The following NONO variants were observed in gnomAD, a reference collection of about 807,000 sequenced individuals.
The protein encoded by NONO is non-POU domain containing octamer binding, also known as non-POU domain-containing octamer-binding protein.
A neutral mutation model predicts 40.2 loss-of-function variants in NONO; 6 were observed. The observed-to-expected ratio is 0.15, with a 90% CI of 0.08 to 0.29. NONO has a LOEUF of 0.29. Among genes scored for constraint, NONO ranks in the 10% least tolerant of loss-of-function variants. The probability of loss-of-function intolerance (pLI) is 1.00; values close to 1 mark genes in which losing one functional copy is unlikely to be tolerated. For synonymous variants in NONO, 89 were observed against 123.3 expected, an observed-to-expected ratio of 0.72 and a Z score of 1.85; for missense variants, 133 against 397.8, an observed-to-expected ratio of 0.33 and a Z score of 5.66.
At chrX:71,288,846 C>A (rs2031259193) in intron 2 of NONO, among the ~76,000 whole-genome samples, 1 of 112,357 alleles carries the variant, frequency 8.9e-6, no homozygotes, top group Admixed American at 9.5e-5. Context: ...TTTTTATCAT[C>A]CCCTTTAGAA....
chrX:71,290,717 A>C lies in NONO; in HGVS notation c.80A>C (p.Gln27Pro), dbSNP rs1355091553. ...RKHHQHHHQQ[Q>P]HHQQQQQQPP... ...CATCATCAACATCACCACCAGCAGC[A>C]GCACCACCAGCAGCAACAGCAGCAG... The change falls in exon 3 of 12, where the codon CAG (glutamine) becomes CCG (proline). Residue 27 changes from glutamine (Q) to proline (P), a missense_variant. Gln to Pro is a moderately conservative substitution (Grantham distance 76). Coordinates refer to ENST00000276079, the MANE Select transcript of NONO (RefSeq NM_007363.5). The C allele has an allele frequency of 5.0e-6, 6 of 1,200,641 alleles. No homozygotes were observed. Among genetic ancestry groups the C allele is most frequent in the Non-Finnish European group, 5.6e-6 (5 of 888,371 alleles).
chrX:71,296,935 G>T lies in NONO; in HGVS notation c.831G>T (p.Met277Ile). The change falls in exon 7 of 12, where the codon ATG becomes ATT. Residue 277 changes from methionine to isoleucine, a missense_variant. This residue lies in a region of NONO where 32 missense variants were observed against 206.0 expected (regional missense o/e 0.16). Coordinates refer to ENST00000276079, the MANE Select transcript of NONO (RefSeq NM_007363.5). ...TGCGCTGGAAGGCACTCATTGAGATGGAGAAGCAGCAGCAGGACCAAGTGG... is the reference window on the plus strand; with the variant it reads ...TGCGCTGGAAGGCACTCATTGAGATTGAGAAGCAGCAGCAGGACCAAGTGG... ...YAMRWKALIE[M>I]EKQQQDQVDR... 1 of 1,210,690 alleles carries T rather than the reference G, an allele frequency of 8.3e-7. No individual in the cohort carries two copies. The highest frequency in any genetic ancestry group is 1.1e-6 in the Non-Finnish European group (1 of 894,816).
At chrX:71,295,511 G>T (rs973322018) in intron 5 of NONO, among the ~76,000 whole-genome samples, 3 of 108,819 alleles carry the variant, frequency 2.8e-5, no homozygotes, top group African/African-American at 6.7e-5. Flanking sequence ...TTTGGTATTA[G>T]CCTGGGCATG....
At chrX:71,284,625 G>T (rs1025680673) in intron 2 of NONO, among the ~76,000 whole-genome samples, 172 bp downstream of exon 2, 7 of 111,697 alleles carry the variant, frequency 6.3e-5, no homozygotes, top group African/African-American at 2.0e-4. Context: ...CAACTCTAGT[G>T]GGGGGGCCCT....
rs1187230336 is a variant in NONO, at chrX:71,299,864, C to T, written c.1282-78C>T. On this transcript the variant is annotated intron_variant, in intron 11 of 11. Transcript: ENST00000276079. ...TTGAATAGTTGAATGGAAATAGCCTCCAGTGGAGGGACTACAGATGGGTGG... is the reference window on the plus strand; with the variant it reads ...TTGAATAGTTGAATGGAAATAGCCTTCAGTGGAGGGACTACAGATGGGTGG... The T allele has an allele frequency of 1.2e-5, 13 of 1,128,267 alleles. No individual in the cohort carries two copies. In the Admixed American group the frequency reaches 2.3e-4, roughly 20 times the overall value. The allele number at this position is 1,128,267 out of a possible 1,213,427, so 93.0% of individuals were successfully genotyped here.
chrX:71,298,617 A>G, intron 10 of NONO, 90 bp from the exon 11 acceptor site: 1 of 1,054,470 alleles, frequency 9.5e-7, no homozygotes. Context: ...TGTCTTACTT[A>G]GCCCAGAGGT....
At chrX:71,284,670 T>C (rs377176252) in intron 2 of NONO, among the ~76,000 whole-genome samples, 2 of 112,386 alleles carry the variant, frequency 1.8e-5, no homozygotes, top group East Asian at 5.5e-4. Context: ...TCCACCTTCC[T>C]TGTTATTAAA....
intron 5 of NONO, among the ~76,000 whole-genome samples, chrX:71,295,268 C>T (rs982211078): frequency 2.8e-5 from 3 of 106,539 alleles, no homozygotes; most frequent in African/African-American, 1.0e-4. Context: ...GGACAGATCA[C>T]CAGGTCAGGA....
chrX:71,298,202 T>C (rs2031495506), intron 9 of NONO: 1 of 439,897 alleles, frequency 2.3e-6, no homozygotes, highest in Admixed American at 4.0e-5. Flanking sequence ...TCCTCTGCTG[T>C]CCTTGCAATT....
intron 2 of NONO, among the ~76,000 whole-genome samples, chrX:71,287,907 A>G (rs1457186754): frequency 3.6e-5 from 2 of 55,580 alleles, no homozygotes; most frequent in Non-Finnish European, 6.3e-5. Context: ...GAGTCTTGCT[A>G]TGTTGCCCAG....
At chrX:71,296,711 C>T in intron 6 of NONO, 51 bp downstream of exon 6, 2 of 1,028,533 alleles carry the variant, frequency 1.9e-6, no homozygotes, top group East Asian at 3.1e-5. Context: ...CTTAAGAAAG[C>T]TTATAAAGGG....
In NONO at chrX:71,299,933, C is replaced by G. The variant is rs1250615585; in HGVS notation, c.1282-9C>G. 8.3e-7 allele frequency: 1 copy of G among 1,207,783 alleles called. No homozygotes were observed. Among genetic ancestry groups the G allele is most frequent in the East Asian group, 3.0e-5 (1 of 33,749 alleles). On this transcript the variant is annotated splice_polypyrimidine_tract_variant and intron_variant, in intron 11 of 11. Transcript: ENST00000276079. ...TCTGTTACAGTGTTGCTCTCTTTTT[C>G]TCTTTAAGACCCCACCAACAACTGA...
chrX:71,285,214 C>G (rs1193326137), intron 2 of NONO: 2 of 112,304 alleles, frequency 1.8e-5, no homozygotes, highest in African/African-American at 3.2e-5. Flanking sequence ...CACCTGGAAC[C>G]CAAGTAGGAA....
intron 1 of NONO, 112 bp from the exon 2 acceptor site, chrX:71,284,285 G>A (rs892563248): frequency 1.6e-4 from 18 of 112,440 alleles, no homozygotes; most frequent in African/African-American, 5.5e-4. Flanking sequence ...CATTTATATA[G>A]CATCACTTTT....
rs1292198439 is a variant in NONO at position 71,301,064 on chromosome X, T to TC, written c.*989dup. The TC allele has an allele frequency of 1.8e-4, 26 of 147,922 alleles. No individual in the cohort carries two copies. In the East Asian group the frequency reaches 2.5e-3, roughly 14 times the overall value. 12.2% of individuals were successfully genotyped at this position (147,922 alleles called of 1,213,427 possible). A position where few individuals can be genotyped will look rare whatever the true frequency, so the allele number is the denominator to read the frequency against. On this transcript the variant is annotated 3_prime_UTR_variant, in exon 12 of 12. Transcript: ENST00000276079. ...GTAGTCATGCTGTGCATTTTTTTTT[T>TC]CATTGGTGTACTGTGTTTGATTTGT...
At position 71,300,135 on chromosome X, in the gene NONO, C is replaced by T; in HGVS notation, c.*59C>T. Reference sequence around the variant, plus strand: ...AAAGAAGGACCCTTTTTGGACTAGCCAGAATTCTACCCTGGAAAAGTGTTA... The same window carrying T: ...AAAGAAGGACCCTTTTTGGACTAGCTAGAATTCTACCCTGGAAAAGTGTTA... On this transcript the variant is annotated 3_prime_UTR_variant, in exon 12 of 12. Transcript: ENST00000276079. The T allele has an allele frequency of 8.7e-7, 1 of 1,153,506 alleles. No individual in the cohort carries two copies. Among genetic ancestry groups the T allele is most frequent in the South Asian group, 1.8e-5 (1 of 55,505 alleles).
intron 5 of NONO, among the ~76,000 whole-genome samples, chrX:71,294,948 C>T (rs1313021993): frequency 1.9e-5 from 2 of 105,729 alleles, no homozygotes; most frequent in African/African-American, 7.0e-5. Context: ...GGCAAAACAG[C>T]GGCTCACGCC....
intron 5 of NONO, 79 bp downstream of exon 5, chrX:71,294,607 C>A: frequency 1.0e-6 from 1 of 979,104 alleles, no homozygotes; most frequent in Non-Finnish European, 1.4e-6. Flanking sequence ...CTCTAGTAAC[C>A]ACTTTTCTAT....
intron 2 of NONO, among the ~76,000 whole-genome samples, chrX:71,288,036 G>A (rs1179159961): frequency 1.1e-5 from 1 of 91,806 alleles, no homozygotes; most frequent in African/African-American, 4.0e-5. Context: ...TTATTTCAAC[G>A]TTTGGGAGCA....
Sources: allele counts gnomAD v4.1 joint callset (sites outside exome capture counted in the v4.1 genomes callset), GRCh38; gene constraint gnomAD v4.1.1; regional missense constraint gnomAD v4.1.1; transcripts MANE v1.5; gene names NCBI Gene and HGNC (gene_info 2026-07-23, HGNC 2026-07-21).